The following MOK variants were observed in gnomAD, a reference collection of about 807,000 sequenced individuals.
MOK encodes the protein MAPK/MAK/MRK overlapping kinase.
In MOK, 59 loss-of-function variants were observed where a neutral mutation model predicts 54.2. The observed-to-expected ratio is 1.09, with a 90% CI of 0.88 to 1.35. The LOEUF is 1.35. Among genes scored for constraint, MOK ranks in the 40% most tolerant of loss-of-function variants. MOK has a pLI of 0.00. For synonymous variants in MOK, 210 were observed against 202.7 expected, an observed-to-expected ratio of 1.04 and a Z score of -0.31; for missense variants, 517 against 526.2, an observed-to-expected ratio of 0.98 and a Z score of 0.17.
chr14:102,218,131 C>G, the MOK span, among the ~76,000 whole-genome samples: 1 of 152,240 alleles, frequency 6.6e-6, no homozygotes, highest in South Asian at 2.1e-4. Context: ...CTAGTCTGCC[C>G]GCCCGCGTGC....
chr14:102,217,703 C>A, the MOK span, among the ~76,000 whole-genome samples: 1 of 152,200 alleles, frequency 6.6e-6, no homozygotes, highest in Non-Finnish European at 1.5e-5. Flanking sequence ...CTGCTTTCTC[C>A]AGGTTTGCTT....
At chr14:102,244,189 C>T (rs564400973) in intron 7 of MOK, among the ~76,000 whole-genome samples, 23 of 152,160 alleles carry the variant, frequency 1.5e-4, no homozygotes, top group Non-Finnish European at 2.9e-4. Context: ...CCCCACTGCT[C>T]GGGGCAACGC....
At chr14:102,301,957 G>A (rs2072252789) in intron 1 of MOK, among the ~76,000 whole-genome samples, 1 of 151,494 alleles carries the variant, frequency 6.6e-6, no homozygotes, top group Non-Finnish European at 1.5e-5. Context: ...TCACCACATT[G>A]GCCAGGCTGG....
chr14:102,250,662 G>A, intron 7 of MOK, 150 bp downstream of exon 7: 5 of 812,998 alleles, frequency 6.2e-6, no homozygotes, highest in Non-Finnish European at 9.3e-6. Context: ...TAAAATGAAA[G>A]CCTAGTCAAT....
downstream of MOK, chr14:102,225,257 C>T: frequency 5.8e-6 from 1 of 171,448 alleles, no homozygotes; most frequent in South Asian, 1.4e-4. Context: ...GATGGGGTCT[C>T]CTTATGTTGC....
the MOK span, among the ~76,000 whole-genome samples, chr14:102,215,947 G>T: frequency 6.6e-6 from 1 of 152,188 alleles, no homozygotes; most frequent in Non-Finnish European, 1.5e-5. Context: ...GAGTGAGGGC[G>T]AGCTGGCCTC....
In MOK at chr14:102,238,230, A is replaced by AC. The variant is rs945109408; in HGVS notation, c.591-4442dup. ...ACCGAGTAATTGAAGCTAAGCCCCT[A>AC]CCTCCAGGAACCTCCTCTCAAAAAG... On this transcript the variant is annotated intron_variant, in intron 7 of 11. Transcript: ENST00000361847. The surrounding 1 kb of genome is among the most constrained non-coding windows in gnomAD (Gnocchi z 4.8). The AC allele has an allele frequency of 2.0e-5, 3 of 152,038 alleles. No individual in the cohort carries two copies. Among genetic ancestry groups the AC allele is most frequent in the African/African-American group, 7.3e-5 (3 of 41,356 alleles). The allele number at this position is 152,038 out of a possible 1,614,324, so 9.4% of individuals were successfully genotyped here. A position where few individuals can be genotyped will look rare whatever the true frequency, so the allele number is the denominator to read the frequency against.
At chr14:102,215,006 TGTAGATAATTTTCA>T in the MOK span, 1 of 983,674 alleles carries the variant, frequency 1.0e-6, no homozygotes, top group African/African-American at 1.7e-5. Context: ...GAACTGTAAA[TGTAGATAATTTTCA>T]GTAGTCATTT....
intron 1 of MOK, among the ~76,000 whole-genome samples, chr14:102,291,997 T>G (rs1245500019): frequency 6.6e-6 from 1 of 151,618 alleles, no homozygotes; most frequent in Non-Finnish European, 1.5e-5. Context: ...TAAAGACTTC[T>G]TAGCACCAGC....
rs766604717 is a variant in MOK at position 102,251,976 on chromosome 14, T to C, written c.303A>G (p.Ser101=). The change falls in exon 5 of 12, where the codon TCA becomes TCG. Residue 101 remains serine (S), a synonymous_variant. Transcript: ENST00000361847. ...ELIRGRRYPL[S]EKKIMHYMYQ... ...ACATATAGTGCATAATTTTTTTTTC[T>C]GATAATGGGTATCTTCTCCCTGTAC... The C allele has an allele frequency of 6.3e-7, 1 of 1,594,930 alleles. No individual in the cohort carries two copies. Among genetic ancestry groups the C allele is most frequent in the Admixed American group, 1.7e-5 (1 of 59,824 alleles).
At chr14:102,223,717 C>T (rs922403065), downstream of MOK, 13 of 152,254 alleles carry the variant, frequency 8.5e-5, no homozygotes, top group Admixed American at 2.0e-4. Flanking sequence ...TTGTCCTGTA[C>T]ATTTGGGTTG....
chr14:102,254,257 G>A (rs953881627), intron 4 of MOK, among the ~76,000 whole-genome samples: 3 of 152,146 alleles, frequency 2.0e-5, no homozygotes, highest in African/African-American at 7.2e-5. Flanking sequence ...CGAAGTGCTG[G>A]GATTACAGGC....
At chr14:102,250,381 A>T (rs2066432750) in intron 7 of MOK, among the ~76,000 whole-genome samples, 1 of 151,818 alleles carries the variant, frequency 6.6e-6, no homozygotes, top group South Asian at 2.1e-4. Context: ...TGGAGGATGG[A>T]GCAGGGAGGG....
At position 102,266,469 on chromosome 14, in the gene MOK, C is replaced by G. The variant is rs2067917493; in HGVS notation, c.123-557G>C. The stretch of plus-strand genomic sequence containing the variant: ...ACAGGTGCATCCCACTATGCCCTCT[C>G]AAACTCCCAGGCTCAAATGATCGGC... On this transcript the variant is annotated intron_variant, in intron 2 of 11. Transcript: ENST00000361847. Among the ~76,000 whole-genome samples the G allele has an allele frequency of 5.9e-5, 9 of 152,160 alleles. No homozygotes were observed. The South Asian group carries it at 1.9e-3, about 32-fold the overall frequency.
At chr14:102,224,177 G>A (rs890011448), downstream of MOK, among the ~76,000 whole-genome samples, 3 of 151,894 alleles carry the variant, frequency 2.0e-5, no homozygotes, top group Non-Finnish European at 2.9e-5. Flanking sequence ...GAGTAGCTGG[G>A]ACTACAGGCG....
At chr14:102,286,171 T>G (rs1042739424) in intron 1 of MOK, among the ~76,000 whole-genome samples, 2 of 150,094 alleles carry the variant, frequency 1.3e-5, no homozygotes, top group African/African-American at 4.9e-5. Context: ...TGGTGGCGGG[T>G]GCCTGTAGTC....
intron 1 of MOK, among the ~76,000 whole-genome samples, chr14:102,296,270 GATCT>G (rs945380567): frequency 1.4e-5 from 2 of 145,282 alleles, no homozygotes; most frequent in African/African-American, 5.1e-5. Flanking sequence ...AAAATAGCAA[GATCT>G]ATTACAAAAA....
Position 102,228,927 on chromosome 14 carries a change from C to T in MOK, c.*362G>A. ...ATGGCGCTCCACGACTGACCAGCAG[C>T]GCTGGGAAGGGACACGCAGAACCCA... On this transcript the variant is annotated 3_prime_UTR_variant, in exon 12 of 12. Transcript: ENST00000361847. The T allele has an allele frequency of 3.7e-6, 1 of 272,424 alleles. No homozygotes were observed. Among genetic ancestry groups the T allele is most frequent in the South Asian group, 8.3e-5 (1 of 11,992 alleles). The allele number at this position is 272,424 out of a possible 1,614,324, so 16.9% of individuals were successfully genotyped here. A position where few individuals can be genotyped will look rare whatever the true frequency, so the allele number is the denominator to read the frequency against.
chr14:102,283,908 G>A (rs762514146), intron 1 of MOK, among the ~76,000 whole-genome samples: 3 of 152,144 alleles, frequency 2.0e-5, no homozygotes, highest in Non-Finnish European at 2.9e-5. Flanking sequence ...CTTCCAGCAG[G>A]GGTGGGCATG....
Sources: allele counts gnomAD v4.1 joint callset (sites outside exome capture counted in the v4.1 genomes callset), GRCh38; gene constraint gnomAD v4.1.1; non-coding constraint Gnocchi (gnomAD v3.1); transcripts MANE v1.5; gene names NCBI Gene and HGNC (gene_info 2026-07-23, HGNC 2026-07-21).